Variants in H6PD observed in about 807,000 individuals in gnomAD.
The protein encoded by H6PD is GDH/6PGL endoplasmic bifunctional protein.
In H6PD, 48 loss-of-function variants were observed where a neutral mutation model predicts 61.2. The ratio of observed to expected loss-of-function variants is 0.78; its 90% CI spans 0.62 to 1.00. H6PD has a LOEUF of 1.00. Among genes scored for constraint, H6PD ranks in the 50% least tolerant of loss-of-function variants. H6PD has a pLI of 0.00. For synonymous variants in H6PD, 480 were observed against 457.9 expected (o/e 1.05, Z -0.62); for missense variants, 1,093 against 1,065.0 (o/e 1.03, Z -0.37).
chr1:9,240,113 C>T (rs1184450877), intron 1 of H6PD: 18 of 669,110 alleles, frequency 2.7e-5, no homozygotes, highest in Admixed American at 4.3e-5. Flanking sequence ...GCCTGCAGTC[C>T]GCCCTGGCTC....
chr1:9,237,074 A>G (rs1468867191), intron 1 of H6PD, among the ~76,000 whole-genome samples: 1 of 151,286 alleles, frequency 6.6e-6, no homozygotes, highest in Non-Finnish European at 1.5e-5. Flanking sequence ...ACCACTGTTC[A>G]GTATCTACAC....
chr1:9,264,128 C>A lies in H6PD; in HGVS notation c.1635C>A (p.Val545=), dbSNP rs267598769. The stretch of plus-strand genomic sequence containing the variant: ...CCCCAATGCCCAGTGACTTCCAGGT[C>A]CTCAGGGCCAAGTACCGAGAGAGCC... The part of the protein sequence containing the change: ...GPAPMPSDFQ[V]LRAKYRESPL... Residue 545 remains valine, a synonymous_variant, in exon 5 of 5, where the codon GTC becomes GTA. Transcript: ENST00000377403. The A allele has an allele frequency of 6.2e-7, 1 of 1,613,736 alleles. No individual in the cohort carries two copies.
chr1:9,268,699 C>A lies in H6PD; in HGVS notation c.*3830C>A, dbSNP rs1041521502. ...CCCTACTCTTGGGCCCCCAAGTTAG[C>A]AGAGTAATCAAAGCTTCCTACCGTT... is the stretch of plus-strand genomic sequence containing the variant. On this transcript the variant is annotated 3_prime_UTR_variant, in exon 5 of 5. Transcript: ENST00000377403. 6.6e-6 allele frequency: 1 copy of A among 152,184 alleles called. No homozygotes were observed. The highest frequency in any genetic ancestry group is 2.4e-5 in the African/African-American group (1 of 41,422). 9.4% of individuals were successfully genotyped at this position (152,184 alleles called of 1,614,324 possible).
intron 3 of H6PD, among the ~76,000 whole-genome samples, chr1:9,257,815 G>T (rs1405040160): frequency 1.3e-5 from 2 of 152,238 alleles, no homozygotes; most frequent in Non-Finnish European, 2.9e-5. Context: ...TTTGAGAAAT[G>T]ATGGCTCCTC....
intron 3 of H6PD, 43 bp from the exon 4 acceptor site, chr1:9,262,016 C>A: frequency 1.2e-6 from 2 of 1,606,688 alleles, no homozygotes; most frequent in Non-Finnish European, 1.7e-6. Context: ...GATGTTCTGG[C>A]CTCTCTTTAG....
rs59754414 is a variant in H6PD at position 9,243,867 on chromosome 1, C to CGTT, written c.-10-1057_-10-1056insTTG. Among the ~76,000 whole-genome samples the CGTT allele has an allele frequency of 8.2e-5, 9 of 109,926 alleles. No individual in the cohort carries two copies. In the East Asian group the frequency reaches 1.6e-3, roughly 19 times the overall value. The allele number at this position is 109,926 out of a possible 152,430, so 72.1% of individuals were successfully genotyped here. ...AATTTTGAGAGAGATGAGGAAGAGG[C>CGTT]GGGGGCGGTGGGAGGGGGGGTCTGA... On this transcript the variant is annotated intron_variant, in intron 1 of 4. Transcript: ENST00000377403.
rs1052355402 is a variant in H6PD at position 9,254,534 on chromosome 1, C to T, written c.745+7451C>T. Among the ~76,000 whole-genome samples the T allele has an allele frequency of 6.6e-6, 1 of 152,110 alleles. No homozygotes were observed. Among genetic ancestry groups the T allele is most frequent in the Non-Finnish European group, 1.5e-5 (1 of 68,036 alleles). ...TTTGCAGTTCACTGTGACTTCGTTCCCTCCTACCTTTGTTACTTCCTTTGA... is the reference window on the plus strand; with the variant it reads ...TTTGCAGTTCACTGTGACTTCGTTCTCTCCTACCTTTGTTACTTCCTTTGA... On this transcript the variant is annotated intron_variant, in intron 3 of 4. Coordinates refer to ENST00000377403, the MANE Select transcript of H6PD (RefSeq NM_004285.4). This position sits in a 1 kb window ranked among gnomAD's most constrained non-coding sequence, Gnocchi z 4.6.
At chr1:9,248,478 G>T (rs527240468) in intron 3 of H6PD, among the ~76,000 whole-genome samples, 3 of 152,140 alleles carry the variant, frequency 2.0e-5, no homozygotes, top group Admixed American at 6.5e-5. Flanking sequence ...GGGGGGTGAT[G>T]ATCTCATCAC....
In H6PD at chr1:9,245,425, C is replaced by T. The variant is rs768486159; in HGVS notation, c.491C>T (p.Pro164Leu). The change falls in exon 2 of 5, where the codon CCG (proline) becomes CTG (leucine). Residue 164 changes from proline (P) to leucine (L), a missense_variant. By Grantham distance (98) the Pro-to-Leu change is moderately conservative. Coordinates refer to ENST00000377403, the MANE Select transcript of H6PD (RefSeq NM_004285.4). This position sits in a 1 kb window ranked among gnomAD's most constrained non-coding sequence, Gnocchi z 4.8. The part of the protein sequence containing the change: ...RNINSSCRPG[P>L]GAWLRVVLEK... ...ATCAACAGTAGCTGCCGGCCAGGCC[C>T]GGGCGCCTGGCTGCGGGTTGTCCTT... 17 of 1,614,002 alleles carry T rather than the reference C, an allele frequency of 1.1e-5. No homozygotes were observed. The highest frequency in any genetic ancestry group is 2.7e-5 in the African/African-American group (2 of 74,934).
rs77374401 is a variant in H6PD, at chr1:9,247,596, C to T, written c.745+513C>T. On this transcript the variant is annotated intron_variant, in intron 3 of 4. Coordinates refer to ENST00000377403, the MANE Select transcript of H6PD (RefSeq NM_004285.4). ...CGGCGCCACACACCTCCCTCCCCTG[C>T]CCTGCACAGTGTTACCCTTGCCTCG... Among the ~76,000 whole-genome samples, 9 of 152,306 alleles carry T rather than the reference C, an allele frequency of 5.9e-5. 1 individual carries two copies. In the East Asian group the frequency reaches 1.5e-3, roughly 26 times the overall value.
At chr1:9,258,131 C>T (rs570041038) in intron 3 of H6PD, among the ~76,000 whole-genome samples, 37 of 152,342 alleles carry the variant, frequency 2.4e-4, no homozygotes, top group African/African-American at 8.4e-4. Context: ...CGGCGCGGGC[C>T]GGGGCTGCTG....
chr1:9,245,214 C>G lies in H6PD; in HGVS notation c.280C>G (p.His94Asp), dbSNP rs771584342. The change falls in exon 2 of 5, where the codon CAC becomes GAC. Residue 94 changes from histidine to aspartate, a missense_variant. Transcript: ENST00000377403. This position sits in a 1 kb window ranked among gnomAD's most constrained non-coding sequence, Gnocchi z 4.8. The stretch of plus-strand genomic sequence containing the variant: ...CTGCCCCAAGGACATGGCACCCAGT[C>G]ACTGTGCAGAGCACAAGGATCAGTT... ...LSCPKDMAPS[H>D]CAEHKDQFLQ... The G allele has an allele frequency of 1.5e-5, 25 of 1,614,224 alleles. No homozygotes were observed. The South Asian group carries it at 2.7e-4, about 18-fold the overall frequency.
intron 1 of H6PD, among the ~76,000 whole-genome samples, chr1:9,243,550 C>T (rs942518834): frequency 1.3e-5 from 2 of 152,156 alleles, no homozygotes; most frequent in East Asian, 1.9e-4. Context: ...TTCTTCCTTT[C>T]CCTCCAACAC....
chr1:9,245,217 T>C lies in H6PD; in HGVS notation c.283T>C (p.Cys95Arg). 2 of 1,614,238 alleles carry C rather than the reference T, an allele frequency of 1.2e-6. No individual in the cohort carries two copies. Among genetic ancestry groups the C allele is most frequent in the Non-Finnish European group, 1.7e-6 (2 of 1,180,028 alleles). ...CCCCAAGGACATGGCACCCAGTCAC[T>C]GTGCAGAGCACAAGGATCAGTTCCT... ...SCPKDMAPSH[C>R]AEHKDQFLQL... Residue 95 changes from cysteine to arginine, a missense_variant, in exon 2 of 5, where the codon TGT (cysteine) becomes CGT (arginine). Coordinates refer to ENST00000377403, the MANE Select transcript of H6PD (RefSeq NM_004285.4). This position sits in a 1 kb window ranked among gnomAD's most constrained non-coding sequence, Gnocchi z 4.8.
intron 3 of H6PD, among the ~76,000 whole-genome samples, chr1:9,260,512 G>T (rs1366189288): frequency 1.3e-5 from 2 of 152,094 alleles, no homozygotes; most frequent in African/African-American, 2.4e-5. Context: ...CGTTGCTGTT[G>T]TTACACCAGT....
intron 1 of H6PD, chr1:9,240,157 C>T: frequency 2.4e-6 from 1 of 423,858 alleles, no homozygotes; most frequent in Non-Finnish European, 4.0e-6. Context: ...CCTTTTCCAC[C>T]TCCCTACAGG....
intron 3 of H6PD, among the ~76,000 whole-genome samples, chr1:9,253,869 A>C (rs562118532): frequency 1.3e-5 from 2 of 152,338 alleles, no homozygotes; most frequent in Admixed American, 6.5e-5. Flanking sequence ...AGCATCTGTC[A>C]TAAGAAAAAT....
At chr1:9,235,896 A>AATTAT (rs1557732626) in intron 1 of H6PD, among the ~76,000 whole-genome samples, 8 of 152,236 alleles carry the variant, frequency 5.3e-5, no homozygotes, top group African/African-American at 1.9e-4. Flanking sequence ...ACAGGTGTGA[A>AATTAT]GCACCACGCC....
chr1:9,248,813 C>T (rs1337867686), intron 3 of H6PD, among the ~76,000 whole-genome samples: 1 of 152,180 alleles, frequency 6.6e-6, no homozygotes, highest in Non-Finnish European at 1.5e-5. Context: ...AGGCCCTACC[C>T]CCTGCAGTGA....
Sources: allele counts gnomAD v4.1 joint callset (sites outside exome capture counted in the v4.1 genomes callset), GRCh38; gene constraint gnomAD v4.1.1; non-coding constraint Gnocchi (gnomAD v3.1); transcripts MANE v1.5; gene names NCBI Gene and HGNC (gene_info 2026-07-23, HGNC 2026-07-21).